ATF7IP2: variants seen among roughly 807,000 people sequenced by gnomAD.
The protein encoded by ATF7IP2 is activating transcription factor 7 interacting protein 2.
ATF7IP2 carries 42 observed loss-of-function variants against 64.2 expected under a neutral mutation model. The observed-to-expected ratio is 0.65, with a 90% confidence interval of 0.51 to 0.85. The LOEUF (loss-of-function observed/expected upper bound fraction) is 0.85. Ranked by LOEUF, ATF7IP2 falls within the 40% of genes least tolerant of loss-of-function variation. The pLI, the probability that ATF7IP2 is intolerant of heterozygous loss-of-function variation, is 0.00. For synonymous variants in ATF7IP2, 308 were observed against 272.8 expected (o/e 1.13, Z -1.27); for missense variants, 933 against 784.2 (o/e 1.19, Z -2.27).
intron 8 of ATF7IP2, among the ~76,000 whole-genome samples, chr16:10,452,999 G>A (rs1321322863): frequency 4.6e-5 from 7 of 152,192 alleles, no homozygotes; most frequent in African/African-American, 1.7e-4. Flanking sequence ...TTTCAAGCCA[G>A]TGGATCTTAG....
chr16:10,447,780 G>C (rs1278181409), intron 8 of ATF7IP2: 1 of 152,222 alleles, frequency 6.6e-6, no homozygotes, highest in African/African-American at 2.4e-5. Flanking sequence ...CTTGGTGGAT[G>C]CCTGGGCCTG....
intron 9 of ATF7IP2, among the ~76,000 whole-genome samples, chr16:10,469,227 T>G (rs906328303): frequency 6.6e-6 from 1 of 151,910 alleles, no homozygotes; most frequent in Non-Finnish European, 1.5e-5. Flanking sequence ...CTATTGCCAA[T>G]ATATCAGTGA....
At chr16:10,450,387 G>A (rs182289224) in intron 8 of ATF7IP2, among the ~76,000 whole-genome samples, 8 of 152,260 alleles carry the variant, frequency 5.3e-5, no homozygotes, top group East Asian at 3.9e-4. Context: ...TTTCTGTCTC[G>A]TTGATCTGTC....
chr16:10,444,654 G>A (rs2048742764), intron 8 of ATF7IP2, among the ~76,000 whole-genome samples: 1 of 152,148 alleles, frequency 6.6e-6, no homozygotes, highest in East Asian at 1.9e-4. Flanking sequence ...CTTGGTCCAA[G>A]GCAATGAAGT....
intron 1 of ATF7IP2, among the ~76,000 whole-genome samples, chr16:10,398,466 A>G (rs1411737130): frequency 6.6e-6 from 1 of 152,204 alleles, no homozygotes; most frequent in Admixed American, 6.5e-5. Context: ...TATTGGATAT[A>G]TATCTAAAGG....
At chr16:10,476,921 T>C (rs1449523625) in intron 12 of ATF7IP2, among the ~76,000 whole-genome samples, 1 of 152,196 alleles carries the variant, frequency 6.6e-6, no homozygotes, top group Non-Finnish European at 1.5e-5. Flanking sequence ...TTTGGGTTGA[T>C]TCCATGTCTT....
intron 9 of ATF7IP2, among the ~76,000 whole-genome samples, chr16:10,459,822 T>TAAGACAAATCTGATGGTAAAACATTGG (rs1449188815): frequency 7.9e-5 from 12 of 152,100 alleles, no homozygotes; most frequent in Non-Finnish European, 1.6e-4. Context: ...ACAGAATCCC[T>TAAGACAAATCTGATGGTAAAACATTGG]AAGACAAATC....
chr16:10,433,967 C>T (rs1164502244), intron 6 of ATF7IP2, among the ~76,000 whole-genome samples: 1 of 152,170 alleles, frequency 6.6e-6, no homozygotes. Context: ...GCATGACCTT[C>T]AGCTTTATTA....
At chr16:10,389,737 A>C (rs768999690) in intron 1 of ATF7IP2, among the ~76,000 whole-genome samples, 11 of 152,234 alleles carry the variant, frequency 7.2e-5, no homozygotes, top group Non-Finnish European at 1.5e-4. Flanking sequence ...TTTATTTCAT[A>C]ATGAGCATTT....
chr16:10,427,290 G>T (rs2048104493), intron 3 of ATF7IP2, among the ~76,000 whole-genome samples: 1 of 152,218 alleles, frequency 6.6e-6, no homozygotes, highest in South Asian at 2.1e-4. Context: ...AAAGATGATA[G>T]TAATTAGGGA....
intron 9 of ATF7IP2, among the ~76,000 whole-genome samples, chr16:10,466,294 T>C (rs956877530): frequency 1.1e-4 from 16 of 152,250 alleles, no homozygotes; most frequent in African/African-American, 3.6e-4. Context: ...ATTTTGATTG[T>C]TTGCAGATTG....
intron 9 of ATF7IP2, among the ~76,000 whole-genome samples, chr16:10,461,852 A>G (rs527953858): frequency 6.6e-6 from 1 of 152,272 alleles, no homozygotes; most frequent in Non-Finnish European, 1.5e-5. Flanking sequence ...ATATTTTAAT[A>G]TAATCTGAAA....
intron 6 of ATF7IP2, among the ~76,000 whole-genome samples, 158 bp from the exon 7 acceptor site, chr16:10,437,943 A>G (rs2048477288): frequency 1.3e-5 from 2 of 152,250 alleles, no homozygotes; most frequent in Non-Finnish European, 2.9e-5. Context: ...AAGTTTTGAA[A>G]AACTTACTGG....
intron 1 of ATF7IP2, among the ~76,000 whole-genome samples, chr16:10,393,497 A>G (rs1372284081): frequency 6.6e-6 from 1 of 152,168 alleles, no homozygotes; most frequent in Non-Finnish European, 1.5e-5. Context: ...AGAAAGTGAT[A>G]GGCATTCGGT....
intron 9 of ATF7IP2, among the ~76,000 whole-genome samples, chr16:10,469,889 GT>G (rs1230210316): frequency 1.0e-4 from 9 of 88,606 alleles, no homozygotes; most frequent in Non-Finnish European, 1.8e-4. Flanking sequence ...AGTATTGAAA[GT>G]TTAAAAAAAA....
chr16:10,457,574 T>C lies in ATF7IP2; in HGVS notation c.1352+45T>C, dbSNP rs149248106. On this transcript the variant is annotated intron_variant, in intron 9 of 13. Transcript: ENST00000562102. ...TGCATAAATTTATCTAAATCTATAA[T>C]AATGAATTTTTTCTTCATCACAGTT... is the stretch of plus-strand genomic sequence containing the variant. The C allele has an allele frequency of 4.7e-4, 649 of 1,386,034 alleles. 3 individuals are homozygous for C. In the African/African-American group the frequency reaches 8.4e-3, roughly 18 times the overall value. 85.9% of individuals were successfully genotyped at this position (1,386,034 alleles called of 1,614,324 possible). A position where few individuals can be genotyped will look rare whatever the true frequency, so the allele number is the denominator to read the frequency against.
At chr16:10,460,398 C>G (rs2049334927) in intron 9 of ATF7IP2, among the ~76,000 whole-genome samples, 1 of 152,062 alleles carries the variant, frequency 6.6e-6, no homozygotes, top group Non-Finnish European at 1.5e-5. Flanking sequence ...GCAATGGGTT[C>G]AGAGGTCAAG....
intron 2 of ATF7IP2, among the ~76,000 whole-genome samples, chr16:10,414,881 G>A (rs1309732407): frequency 6.6e-6 from 1 of 151,974 alleles, no homozygotes; most frequent in Admixed American, 6.6e-5. Flanking sequence ...TGTAGTGATT[G>A]TTATCTCTCT....
intron 11 of ATF7IP2, 25 bp from the exon 12 acceptor site, chr16:10,473,898 T>C (rs2049903103): frequency 7.1e-7 from 1 of 1,409,070 alleles, no homozygotes; most frequent in South Asian, 1.4e-5. Flanking sequence ...GCAAAGCTTT[T>C]TTTTTTTTTT....
Sources: gnomAD v4.1 joint callset for allele counts (sites outside exome capture counted in the v4.1 genomes callset) on GRCh38, gnomAD v4.1.1 for gene constraint, MANE v1.5 for transcripts, NCBI Gene and HGNC (gene_info 2026-07-23, HGNC 2026-07-21) for gene names.